Variants in MEI4 observed in about 807,000 individuals in gnomAD.
The protein encoded by MEI4 is meiosis-specific protein MEI4.
MEI4 carries 27 observed loss-of-function variants against 31.4 expected under a neutral mutation model. The ratio of observed to expected loss-of-function variants is 0.86; its 90% confidence interval spans 0.63 to 1.19. The LOEUF is 1.19. Among genes scored for constraint, MEI4 ranks in the 50% most tolerant of loss-of-function variants. The probability of loss-of-function intolerance (pLI) is 0.00; values close to 1 mark genes in which losing one functional copy is unlikely to be tolerated. For missense variants in MEI4, 329 were observed against 398.9 expected (o/e 0.82, Z 1.49); for synonymous variants, 122 against 145.4 (o/e 0.84, Z 1.16).
chr6:77,851,082 A>G (rs1770605590), intron 4 of MEI4, among the ~76,000 whole-genome samples: 1 of 152,178 alleles, frequency 6.6e-6, no homozygotes, highest in Non-Finnish European at 1.5e-5. Flanking sequence ...CAAAACCACA[A>G]TGAGATATCA....
intron 2 of MEI4, among the ~76,000 whole-genome samples, chr6:77,743,993 A>T (rs1354385848): frequency 1.3e-5 from 2 of 152,190 alleles, no homozygotes; most frequent in Admixed American, 6.5e-5. Flanking sequence ...AAAGACCAAA[A>T]GTAGATAAAA....
rs371698446 is a variant in MEI4 at position 77,803,407 on chromosome 6, A to G, written c.769-25524A>G. Among the ~76,000 whole-genome samples, 15 of 152,092 alleles carry G rather than the reference A, an allele frequency of 9.9e-5. No homozygotes were observed. In the East Asian group the frequency reaches 2.5e-3, roughly 26 times the overall value. On this transcript the variant is annotated intron_variant, in intron 3 of 4. Coordinates refer to ENST00000684080, the MANE Select transcript of MEI4 (RefSeq NM_001322247.2). Reference sequence around the variant, plus strand: ...TTTCAAGATTTTTAACTTCCTTGCCATGGGTTTGAACTTCCTCCTTTAGCT... The same window carrying G: ...TTTCAAGATTTTTAACTTCCTTGCCGTGGGTTTGAACTTCCTCCTTTAGCT...
At chr6:77,696,297 C>G (rs998688325) in intron 2 of MEI4, among the ~76,000 whole-genome samples, 27 of 152,152 alleles carry the variant, frequency 1.8e-4, no homozygotes, top group Non-Finnish European at 4.0e-4. Context: ...ACTTCCAACA[C>G]TATGTTGAAT....
At chr6:77,731,571 T>C (rs1483566480) in intron 2 of MEI4, among the ~76,000 whole-genome samples, 3 of 151,652 alleles carry the variant, frequency 2.0e-5, no homozygotes, top group Non-Finnish European at 2.9e-5. Context: ...TCTCCCATTT[T>C]GTAGGTTGCC....
chr6:77,809,805 A>G (rs531471589), intron 3 of MEI4, among the ~76,000 whole-genome samples: 19 of 152,316 alleles, frequency 1.2e-4, no homozygotes, highest in African/African-American at 4.6e-4. Context: ...TGAAGTTATC[A>G]GATGAAATAG....
At chr6:77,823,868 A>G (rs542305957) in intron 3 of MEI4, among the ~76,000 whole-genome samples, 1 of 151,056 alleles carries the variant, frequency 6.6e-6, no homozygotes, top group East Asian at 2.0e-4. Context: ...GTGTCTCTTT[A>G]TCCTACTGTC....
chr6:77,740,060 C>T (rs974464029), intron 2 of MEI4, among the ~76,000 whole-genome samples: 1 of 152,020 alleles, frequency 6.6e-6, no homozygotes, highest in Non-Finnish European at 1.5e-5. Flanking sequence ...ATTATTTACC[C>T]CAAAGTCATT....
In MEI4 at chr6:77,847,957, G is replaced by A. The variant is rs1057223531; in HGVS notation, c.900+18895G>A. ...GGAAAAAAGGAAAGGAAAGAACGTC[G>A]GAATATTTATCTCCTCTTCACTTTA... On this transcript the variant is annotated intron_variant, in intron 4 of 4. Transcript: ENST00000684080. This position sits in a 1 kb window ranked among gnomAD's most constrained non-coding sequence, Gnocchi z 4.6. Among the ~76,000 whole-genome samples the A allele has an allele frequency of 2.0e-5, 3 of 152,026 alleles. No homozygotes were observed. Among genetic ancestry groups the A allele is most frequent in the South Asian group, 4.1e-4 (2 of 4,832 alleles).
At chr6:77,725,025 G>A (rs1157964218) in intron 2 of MEI4, among the ~76,000 whole-genome samples, 4 of 132,606 alleles carry the variant, frequency 3.0e-5, no homozygotes, top group Non-Finnish European at 6.5e-5. Context: ...ATTCCATACT[G>A]TAAGTGGAAT....
chr6:77,697,852 T>A (rs920615755), intron 2 of MEI4, among the ~76,000 whole-genome samples: 21 of 152,194 alleles, frequency 1.4e-4, no homozygotes, highest in Admixed American at 6.5e-4. Context: ...ATCTGTCTAA[T>A]GTTGACAGTG....
At chr6:77,734,884 T>G (rs968513878) in intron 2 of MEI4, among the ~76,000 whole-genome samples, 1 of 151,848 alleles carries the variant, frequency 6.6e-6, no homozygotes, top group Non-Finnish European at 1.5e-5. Context: ...TATTTCTCCT[T>G]CACTTATGAA....
At chr6:77,732,013 C>A (rs1295819094) in intron 2 of MEI4, among the ~76,000 whole-genome samples, 2 of 147,110 alleles carry the variant, frequency 1.4e-5, no homozygotes, top group Non-Finnish European at 3.0e-5. Context: ...CAGTACCATG[C>A]TGTTTTGGTT....
intron 3 of MEI4, among the ~76,000 whole-genome samples, chr6:77,795,817 A>C (rs1030938590): frequency 9.9e-5 from 15 of 152,144 alleles, no homozygotes; most frequent in Admixed American, 7.9e-4. Context: ...ATGGCTTTAT[A>C]GTGAATTCTA....
intron 4 of MEI4, among the ~76,000 whole-genome samples, chr6:77,870,616 T>A (rs577992838): frequency 1.3e-5 from 2 of 152,250 alleles, no homozygotes; most frequent in East Asian, 3.9e-4. Context: ...TCAGGGACAG[T>A]TTTAGGAGAG....
intron 1 of MEI4, among the ~76,000 whole-genome samples, chr6:77,661,389 C>T (rs975030146): frequency 5.3e-5 from 8 of 152,086 alleles, no homozygotes; most frequent in South Asian, 2.1e-4. Flanking sequence ...AGGGAAGAAA[C>T]GACCGCGGTG....
intron 3 of MEI4, among the ~76,000 whole-genome samples, chr6:77,811,789 AT>A (rs562589325): frequency 6.7e-6 from 1 of 150,176 alleles, no homozygotes; most frequent in Non-Finnish European, 1.5e-5. Context: ...AAAAAAAAAA[AT>A]TGATACTTTT....
At chr6:77,654,718 T>C (rs1332062149) in intron 1 of MEI4, among the ~76,000 whole-genome samples, 1 of 151,590 alleles carries the variant, frequency 6.6e-6, no homozygotes, top group Non-Finnish European at 1.5e-5. Flanking sequence ...TGATGGAATA[T>C]TGTATATACA....
chr6:77,729,908 T>A (rs1766929072), intron 2 of MEI4, among the ~76,000 whole-genome samples: 1 of 152,084 alleles, frequency 6.6e-6, no homozygotes, highest in African/African-American at 2.4e-5. Flanking sequence ...ATGGTAGAAA[T>A]GAATATCAAC....
chr6:77,745,083 A>C (rs963155292), intron 2 of MEI4, among the ~76,000 whole-genome samples: 1 of 152,240 alleles, frequency 6.6e-6, no homozygotes, highest in African/African-American at 2.4e-5. Flanking sequence ...ATAACCAGCT[A>C]GCATCATAAT....
Sources: allele counts gnomAD v4.1 joint callset (sites outside exome capture counted in the v4.1 genomes callset), GRCh38; gene constraint gnomAD v4.1.1; non-coding constraint Gnocchi (gnomAD v3.1); transcripts MANE v1.5; gene names NCBI Gene and HGNC (gene_info 2026-07-23, HGNC 2026-07-21).